Variants in FRY observed in about 807,000 individuals in gnomAD.
FRY encodes the protein FRY microtubule binding protein, also known as protein furry homolog.
In FRY, 128 loss-of-function variants were observed where a neutral mutation model predicts 348.4. The observed-to-expected ratio is 0.37, with a 90% confidence interval of 0.32 to 0.43. The LOEUF (loss-of-function observed/expected upper bound fraction) is 0.43. FRY is among the 20% of genes least tolerant of loss of function. The probability of loss-of-function intolerance (pLI) is 1.00; values close to 1 mark genes in which losing one functional copy is unlikely to be tolerated. For missense variants in FRY, 2,736 were observed against 3,695.2 expected, an observed-to-expected ratio of 0.74 and a Z score of 6.73; for synonymous variants, 1,370 against 1,374.7, an observed-to-expected ratio of 1.00 and a Z score of 0.08.
At chr13:32,291,967 T>A in intron 59 of FRY, 1 of 451,134 alleles carries the variant, frequency 2.2e-6, no homozygotes, top group South Asian at 1.6e-5. Flanking sequence ...ACAAATAAAG[T>A]TTTTTTGTTG....
At chr13:32,189,269 G>A (rs889144006) in intron 28 of FRY, among the ~76,000 whole-genome samples, 1 of 151,988 alleles carries the variant, frequency 6.6e-6, no homozygotes, top group African/African-American at 2.4e-5. Context: ...CTCCTTCTTA[G>A]TGCCTCAAAC....
chr13:32,176,977 C>G (rs2138232260), intron 20 of FRY, among the ~76,000 whole-genome samples: 1 of 152,332 alleles, frequency 6.6e-6, no homozygotes, highest in East Asian at 1.9e-4. Context: ...ATGTTGCCAT[C>G]TCATCTCTCA....
chr13:32,084,889 A>AAC (rs5802632), intron 2 of FRY, among the ~76,000 whole-genome samples: 2,912 of 149,786 alleles, frequency 0.019, 88 homozygotes, highest in African/African-American at 0.062. Context: ...CACACATGCA[A>AAC]ACACACACAC....
intron 2 of FRY, among the ~76,000 whole-genome samples, chr13:32,089,492 G>A (rs1052492854): frequency 6.6e-6 from 1 of 152,262 alleles, no homozygotes; most frequent in Middle Eastern, 3.4e-3. Flanking sequence ...GGTGGGCACA[G>A]TGGCTCACAC....
intron 46 of FRY, among the ~76,000 whole-genome samples, chr13:32,240,972 A>G (rs1455009295): frequency 6.6e-6 from 1 of 152,228 alleles, no homozygotes; most frequent in African/African-American, 2.4e-5. Context: ...AATACAGATC[A>G]GTAATGTGTG....
At chr13:32,261,968 CAG>C (rs1593816412) in intron 52 of FRY, 152 bp downstream of exon 52, 12 of 765,486 alleles carry the variant, frequency 1.6e-5, no homozygotes, top group South Asian at 6.4e-5. Flanking sequence ...TTCTAGCTGG[CAG>C]AGTCTTCTCT....
intron 1 of FRY, chr13:32,061,290 A>T (rs556779212): frequency 2.3e-6 from 1 of 430,868 alleles, no homozygotes; most frequent in East Asian, 7.1e-5. Flanking sequence ...GCCTGCAGGG[A>T]TTTACTTATA....
chr13:32,103,443 A>C (rs1164975685), intron 3 of FRY, among the ~76,000 whole-genome samples: 1 of 152,186 alleles, frequency 6.6e-6, no homozygotes, highest in Non-Finnish European at 1.5e-5. Context: ...ACTCATAGGT[A>C]GGAATTGAAC....
rs561694206 is a variant in FRY, at chr13:32,106,582, A to G, written c.324+4566A>G. On this transcript the variant is annotated intron_variant, in intron 3 of 60. Transcript: ENST00000542859. ...CATTGCATCTGTATTCCAGGCAGCC[A>G]GAAGGAGAAATGGAAAAAGAATTAT... is the stretch of plus-strand genomic sequence containing the variant. Among the ~76,000 whole-genome samples the G allele has an allele frequency of 1.1e-4, 16 of 152,356 alleles. 1 individual carries two copies. Among genetic ancestry groups the G allele is most frequent in the Admixed American group, 3.3e-4 (5 of 15,306 alleles).
chr13:32,283,459 G>A (rs1277345483), intron 58 of FRY, among the ~76,000 whole-genome samples: 2 of 152,194 alleles, frequency 1.3e-5, no homozygotes, highest in African/African-American at 4.8e-5. Flanking sequence ...CTAGATAGAA[G>A]GGGCTTGAGT....
chr13:32,245,134 G>A (rs927673512), intron 47 of FRY, among the ~76,000 whole-genome samples: 1 of 151,934 alleles, frequency 6.6e-6, no homozygotes. Flanking sequence ...ATTTTTAGTA[G>A]AGACAGGGTT....
intron 1 of FRY, among the ~76,000 whole-genome samples, chr13:32,075,384 A>G (rs530562217): frequency 3.3e-4 from 50 of 152,274 alleles, no homozygotes; most frequent in Non-Finnish European, 6.6e-4. Flanking sequence ...GCAGCTTTCT[A>G]AATTATGCAA....
In FRY at chr13:32,133,494, T is replaced by G. The variant is rs1043411980; in HGVS notation, c.886-1410T>G. Among the ~76,000 whole-genome samples the G allele has an allele frequency of 7.2e-5, 11 of 152,188 alleles. No individual in the cohort carries two copies. The East Asian group carries it at 7.7e-4, about 11-fold the overall frequency. Reference sequence around the variant, plus strand: ...ACATGAATTAAGACTTGAGAGAGTATTACATACTTATGCAAAATAATGTAG... The same window carrying G: ...ACATGAATTAAGACTTGAGAGAGTAGTACATACTTATGCAAAATAATGTAG... On this transcript the variant is annotated intron_variant, in intron 8 of 60. Coordinates refer to ENST00000542859, the MANE Select transcript of FRY (RefSeq NM_023037.3).
At chr13:32,215,984 C>T (rs903966873) in intron 35 of FRY, among the ~76,000 whole-genome samples, 4 of 152,102 alleles carry the variant, frequency 2.6e-5, no homozygotes, top group South Asian at 2.1e-4. Flanking sequence ...AAATTTTGAA[C>T]GGTCTATGTT....
intron 3 of FRY, among the ~76,000 whole-genome samples, chr13:32,106,654 A>G (rs1422664232): frequency 6.6e-6 from 1 of 152,238 alleles, no homozygotes; most frequent in Non-Finnish European, 1.5e-5. Context: ...TACCATTTCT[A>G]CTTATATCCA....
chr13:32,051,364 G>T (rs997498772), intron 1 of FRY, among the ~76,000 whole-genome samples: 3 of 152,132 alleles, frequency 2.0e-5, no homozygotes, highest in African/African-American at 7.2e-5. Context: ...GAGATGACTG[G>T]CAAGAGCAGA....
intron 4 of FRY, among the ~76,000 whole-genome samples, chr13:32,123,608 C>T (rs1348365051): frequency 6.6e-6 from 1 of 152,198 alleles, no homozygotes; most frequent in East Asian, 1.9e-4. Flanking sequence ...ATGTCCACCT[C>T]TGGTATGGTA....
chr13:32,175,194 A>G (rs1882297409), intron 19 of FRY, among the ~76,000 whole-genome samples: 1 of 152,242 alleles, frequency 6.6e-6, no homozygotes, highest in African/African-American at 2.4e-5. Flanking sequence ...AACAAAGCAT[A>G]TTCTTGCAGA....
At chr13:32,054,869 C>T (rs1395358604) in intron 1 of FRY, among the ~76,000 whole-genome samples, 2 of 151,926 alleles carry the variant, frequency 1.3e-5, no homozygotes, top group African/African-American at 4.8e-5. Flanking sequence ...AGCGAGACTC[C>T]GTCTCAAAAA....
Sources: gnomAD v4.1 joint callset for allele counts (sites outside exome capture counted in the v4.1 genomes callset) on GRCh38, gnomAD v4.1.1 for gene constraint, MANE v1.5 for transcripts, NCBI Gene and HGNC (gene_info 2026-07-23, HGNC 2026-07-21) for gene names.